The following COL19A1 variants were observed in gnomAD, a reference collection of about 807,000 sequenced individuals.
COL19A1 encodes the protein collagen type XIX alpha 1 chain, also known as collagen alpha-1(XIX) chain.
A neutral mutation model predicts 190.2 loss-of-function variants in COL19A1; 159 were observed. That is an observed-to-expected ratio of 0.84 (90% CI 0.73 to 0.95). The LOEUF (loss-of-function observed/expected upper bound fraction) is 0.95. COL19A1 is among the 40% of genes least tolerant of loss of function. COL19A1 has a pLI of 0.00. For missense variants in COL19A1, 1,418 were observed against 1,431.9 expected, an observed-to-expected ratio of 0.99 and a Z score of 0.16; for synonymous variants, 509 against 458.9, an observed-to-expected ratio of 1.11 and a Z score of -1.39.
At chr6:70,059,329 A>G (rs1351799780) in intron 14 of COL19A1, among the ~76,000 whole-genome samples, 1 of 152,128 alleles carries the variant, frequency 6.6e-6, no homozygotes, top group Non-Finnish European at 1.5e-5. Flanking sequence ...CTTGATTAAG[A>G]AGCTGTAAAT....
At chr6:70,190,247 C>A in intron 47 of COL19A1, 68 bp from the exon 48 acceptor site, 1 of 1,236,574 alleles carries the variant, frequency 8.1e-7, no homozygotes, top group South Asian at 1.3e-5. Context: ...CAAGCCAACC[C>A]AATATTTCTA....
chr6:70,074,997 C>T (rs1376197156), intron 15 of COL19A1, among the ~76,000 whole-genome samples: 3 of 152,096 alleles, frequency 2.0e-5, no homozygotes, highest in Non-Finnish European at 4.4e-5. Flanking sequence ...TAAACGTATA[C>T]CTTAAAAATA....
chr6:69,985,380 T>A (rs1300307828), intron 11 of COL19A1, among the ~76,000 whole-genome samples: 1 of 152,124 alleles, frequency 6.6e-6, no homozygotes, highest in Non-Finnish European at 1.5e-5. Flanking sequence ...CTTACTGCCA[T>A]CCAGAGGTCT....
chr6:70,114,333 G>A (rs2150202910), intron 16 of COL19A1, among the ~76,000 whole-genome samples: 1 of 152,270 alleles, frequency 6.6e-6, no homozygotes, highest in Middle Eastern at 3.4e-3. Flanking sequence ...GGTGGTTTAG[G>A]GGAAAGAGTT....
intron 11 of COL19A1, among the ~76,000 whole-genome samples, chr6:69,994,210 G>T (rs1776777174): frequency 6.6e-6 from 1 of 152,086 alleles, no homozygotes; most frequent in Non-Finnish European, 1.5e-5. Context: ...ATGAAGTCAA[G>T]TTTATTAATA....
chr6:70,144,549 G>A (rs1376691841), intron 24 of COL19A1, among the ~76,000 whole-genome samples: 1 of 152,118 alleles, frequency 6.6e-6, no homozygotes, highest in African/African-American at 2.4e-5. Context: ...TAATCTTGCA[G>A]GATCTGTTTC....
chr6:69,930,283 A>G (rs1772672393), intron 6 of COL19A1, among the ~76,000 whole-genome samples: 1 of 152,238 alleles, frequency 6.6e-6, no homozygotes. Flanking sequence ...TTTAAATATT[A>G]CATTTGAAGC....
intron 15 of COL19A1, among the ~76,000 whole-genome samples, chr6:70,101,590 T>C (rs1488844819): frequency 6.6e-6 from 1 of 152,172 alleles, no homozygotes; most frequent in African/African-American, 2.4e-5. Flanking sequence ...TCAGTATATG[T>C]AATTACAATA....
At chr6:70,013,580 A>G (rs1778024138) in intron 11 of COL19A1, among the ~76,000 whole-genome samples, 1 of 46,400 alleles carries the variant, frequency 2.2e-5, no homozygotes, top group Non-Finnish European at 3.3e-5. Flanking sequence ...AATACTACAA[A>G]CACCTCTACA....
At chr6:69,881,818 A>T (rs1319808437) in intron 2 of COL19A1, among the ~76,000 whole-genome samples, 3 of 152,238 alleles carry the variant, frequency 2.0e-5, no homozygotes, top group African/African-American at 7.2e-5. Flanking sequence ...AAATTGCTTA[A>T]CTTCAAGTAT....
chr6:70,159,899 T>C (rs768214992), intron 34 of COL19A1, among the ~76,000 whole-genome samples: 3 of 152,184 alleles, frequency 2.0e-5, no homozygotes, highest in African/African-American at 4.8e-5. Context: ...TCATTCAGTC[T>C]AGAACTTGAT....
chr6:70,132,202 G>A (rs377766081), intron 18 of COL19A1, among the ~76,000 whole-genome samples: 3 of 152,014 alleles, frequency 2.0e-5, no homozygotes, highest in African/African-American at 7.2e-5. Flanking sequence ...AATTTAGACC[G>A]GCCTGGACAA....
chr6:70,072,352 C>CT (rs1781608973), intron 15 of COL19A1, among the ~76,000 whole-genome samples: 1 of 152,038 alleles, frequency 6.6e-6, no homozygotes, highest in South Asian at 2.1e-4. Context: ...CTACCCTGGT[C>CT]TTTTTAAAAG....
chr6:70,202,583 A>G (rs1171757533), intron 49 of COL19A1, among the ~76,000 whole-genome samples: 2 of 152,232 alleles, frequency 1.3e-5, no homozygotes, highest in Non-Finnish European at 2.9e-5. Flanking sequence ...GGAAAGGACA[A>G]AAGTATAAAG....
At chr6:70,010,101 T>G (rs2150093869) in intron 11 of COL19A1, among the ~76,000 whole-genome samples, 2 of 152,298 alleles carry the variant, frequency 1.3e-5, no homozygotes, top group Admixed American at 1.3e-4. Context: ...TATTTCTTCT[T>G]TGAAAGACAC....
At chr6:70,091,949 T>C (rs1356917280) in intron 15 of COL19A1, among the ~76,000 whole-genome samples, 1 of 152,162 alleles carries the variant, frequency 6.6e-6, no homozygotes, top group African/African-American at 2.4e-5. Flanking sequence ...AAGCGAAAAG[T>C]AGTATTCAAA....
chr6:70,001,728 A>G (rs1372954944), intron 11 of COL19A1, among the ~76,000 whole-genome samples: 2 of 152,134 alleles, frequency 1.3e-5, no homozygotes, highest in African/African-American at 4.8e-5. Flanking sequence ...GTACCCTGAG[A>G]ATTTGCTGAA....
chr6:70,193,523 C>A (rs1767006860), intron 48 of COL19A1, among the ~76,000 whole-genome samples: 1 of 152,208 alleles, frequency 6.6e-6, no homozygotes, highest in African/African-American at 2.4e-5. Context: ...GCGTCTCTGT[C>A]TCTTCCAGCC....
chr6:70,137,098 T>C (rs1785918609), intron 18 of COL19A1, among the ~76,000 whole-genome samples: 1 of 152,182 alleles, frequency 6.6e-6, no homozygotes. Context: ...CAGATCTCTC[T>C]TCAAGGTTTT....
Sources: gnomAD v4.1 joint callset for allele counts (sites outside exome capture counted in the v4.1 genomes callset) on GRCh38, gnomAD v4.1.1 for gene constraint, MANE v1.5 for transcripts, NCBI Gene and HGNC (gene_info 2026-07-23, HGNC 2026-07-21) for gene names.